The following PLPPR5 variants were observed in gnomAD, a reference collection of about 807,000 sequenced individuals.
PLPPR5 encodes phospholipid phosphatase-related protein type 5.
In PLPPR5, 16 loss-of-function variants were observed where a neutral mutation model predicts 33.9. The ratio of observed to expected loss-of-function variants is 0.47; its 90% CI spans 0.32 to 0.72. The LOEUF (loss-of-function observed/expected upper bound fraction) is 0.72. PLPPR5 is among the 30% of genes least tolerant of loss of function. The pLI is 0.03. For missense variants in PLPPR5, 301 were observed against 406.7 expected, an observed-to-expected ratio of 0.74 and a Z score of 2.23; for synonymous variants, 163 against 150.3, an observed-to-expected ratio of 1.08 and a Z score of -0.62.
At chr1:98,932,391 G>A (rs555606601) in intron 3 of PLPPR5, among the ~76,000 whole-genome samples, 12 of 152,204 alleles carry the variant, frequency 7.9e-5, no homozygotes, top group South Asian at 4.1e-4. Context: ...TTGTTTTGCC[G>A]CTTACTCAAT....
chr1:98,988,047 C>T (rs990516933), intron 1 of PLPPR5, among the ~76,000 whole-genome samples: 2 of 152,012 alleles, frequency 1.3e-5, no homozygotes, highest in Non-Finnish European at 2.9e-5. Context: ...GTATGTTCTG[C>T]TTATAACAGT....
At chr1:98,980,606 T>C in intron 1 of PLPPR5, among the ~76,000 whole-genome samples, 1 of 152,120 alleles carries the variant, frequency 6.6e-6, no homozygotes, top group Non-Finnish European at 1.5e-5. Flanking sequence ...TCACATTAAT[T>C]ACAATCAGTG....
chr1:98,956,945 A>G lies in PLPPR5; in HGVS notation c.238-204T>C, dbSNP rs560683247. 8.5e-5 allele frequency among the ~76,000 whole-genome samples: 13 copies of G among 152,228 alleles called. 2 individuals carry two copies. In the South Asian group the frequency reaches 2.7e-3, roughly 32 times the overall value. Reference sequence around the variant, plus strand: ...CATATTTTTCTCAACCCAAATGTCCAACAATGATAGACTGGATTAAGAAAA... The same window carrying G: ...CATATTTTTCTCAACCCAAATGTCCGACAATGATAGACTGGATTAAGAAAA... On this transcript the variant is annotated intron_variant, in intron 1 of 5. Transcript: ENST00000263177.
chr1:98,963,019 C>G (rs886587218), intron 1 of PLPPR5, among the ~76,000 whole-genome samples: 1 of 152,160 alleles, frequency 6.6e-6, no homozygotes, highest in East Asian at 1.9e-4. Flanking sequence ...CATAAGAGAT[C>G]ATTTACTGCT....
At chr1:98,914,963 C>G in intron 4 of PLPPR5, 43 bp from the exon 5 acceptor site, 2 of 1,579,554 alleles carry the variant, frequency 1.3e-6, no homozygotes, top group Non-Finnish European at 1.7e-6. Context: ...AAACTGTGCT[C>G]ACTGTGACTT....
At chr1:98,969,153 C>T (rs896026754) in intron 1 of PLPPR5, among the ~76,000 whole-genome samples, 2 of 151,942 alleles carry the variant, frequency 1.3e-5, no homozygotes, top group Non-Finnish European at 1.5e-5. Flanking sequence ...TCTGGTAGAG[C>T]TAGCATCTCA....
At chr1:98,960,485 C>T (rs7539398) in intron 1 of PLPPR5, among the ~76,000 whole-genome samples, 28,245 of 152,008 alleles carry the variant, frequency 0.19, 2,686 homozygotes, top group East Asian at 0.26. Context: ...ATTACAGGCA[C>T]GAGCTACCGT....
intron 1 of PLPPR5, among the ~76,000 whole-genome samples, chr1:98,984,891 C>A (rs1009922551): frequency 6.6e-6 from 1 of 151,676 alleles, no homozygotes; most frequent in Admixed American, 6.6e-5. Context: ...AGTAAGGAAA[C>A]AAGCTAAGTT....
intron 3 of PLPPR5, among the ~76,000 whole-genome samples, chr1:98,930,180 A>C (rs1570707085): frequency 6.6e-6 from 1 of 152,210 alleles, no homozygotes; most frequent in East Asian, 1.9e-4. Flanking sequence ...AAAATGAAGT[A>C]GAACCTGCAA....
At chr1:98,933,504 T>C (rs1360023299) in intron 3 of PLPPR5, among the ~76,000 whole-genome samples, 1 of 139,600 alleles carries the variant, frequency 7.2e-6, no homozygotes, top group Non-Finnish European at 1.6e-5. Context: ...AAAAAAAGGA[T>C]TTCAGAATTA....
chr1:98,924,306 T>C (rs1245757081), intron 3 of PLPPR5, among the ~76,000 whole-genome samples: 1 of 152,178 alleles, frequency 6.6e-6, no homozygotes, highest in Non-Finnish European at 1.5e-5. Flanking sequence ...AATTTGATGA[T>C]TGTGGTGGCA....
intron 1 of PLPPR5, among the ~76,000 whole-genome samples, chr1:98,966,371 T>G (rs971322715): frequency 6.6e-6 from 1 of 152,218 alleles, no homozygotes. Context: ...TAACATATAA[T>G]AAAAGCTCAT....
intron 3 of PLPPR5, among the ~76,000 whole-genome samples, chr1:98,941,390 G>T (rs183260222): frequency 6.6e-6 from 1 of 151,780 alleles, no homozygotes; most frequent in Non-Finnish European, 1.5e-5. Flanking sequence ...TTTCAGGAGA[G>T]TGAGTGTGCA....
intron 5 of PLPPR5, among the ~76,000 whole-genome samples, chr1:98,910,923 G>A (rs1649123341): frequency 6.9e-6 from 1 of 145,388 alleles, no homozygotes; most frequent in African/African-American, 2.6e-5. Flanking sequence ...GTGTTAGAAA[G>A]AAATGATATT....
chr1:98,924,386 C>A (rs77428547), intron 3 of PLPPR5, among the ~76,000 whole-genome samples: 1,541 of 152,256 alleles, frequency 0.01, 6 homozygotes, highest in Middle Eastern at 0.017. Flanking sequence ...ATCTTCCTTT[C>A]TTTTTCATTG....
intron 3 of PLPPR5, among the ~76,000 whole-genome samples, chr1:98,935,989 G>A (rs1235561405): frequency 2.0e-5 from 3 of 152,102 alleles, no homozygotes; most frequent in African/African-American, 7.2e-5. Context: ...GGCTGCAAGG[G>A]GGAGGCAATG....
chr1:98,919,180 G>A (rs1649463348), intron 4 of PLPPR5, among the ~76,000 whole-genome samples: 1 of 152,140 alleles, frequency 6.6e-6, no homozygotes, highest in South Asian at 2.1e-4. Flanking sequence ...TTAGTAAGAA[G>A]CAATAATGTC....
chr1:98,985,497 T>A lies in PLPPR5; in HGVS notation c.237+18938A>T, dbSNP rs148733207. On this transcript the variant is annotated intron_variant, in intron 1 of 5. Transcript: ENST00000263177. ...TTTTTAAAATAAATTTAGTGTAGCC[T>A]AAATGTACAGTGTTTATGAAGTCTA... is the stretch of plus-strand genomic sequence containing the variant. Among the ~76,000 whole-genome samples the A allele has an allele frequency of 4.4e-3, 675 of 152,162 alleles. 2 individuals are homozygous for A. The highest frequency in any genetic ancestry group is 5.9e-3 in the Non-Finnish European group (399 of 67,968).
At chr1:98,930,193 C>T (rs1030295606) in intron 3 of PLPPR5, among the ~76,000 whole-genome samples, 2 of 152,082 alleles carry the variant, frequency 1.3e-5, no homozygotes, top group African/African-American at 2.4e-5. Flanking sequence ...ACCTGCAAAA[C>T]TTAAAATACA....
Sources: gnomAD v4.1 joint callset for allele counts (sites outside exome capture counted in the v4.1 genomes callset) on GRCh38, gnomAD v4.1.1 for gene constraint, MANE v1.5 for transcripts, NCBI Gene and HGNC (gene_info 2026-07-23, HGNC 2026-07-21) for gene names.